CASS4: variants seen among roughly 807,000 people sequenced by gnomAD.
CASS4 encodes Cas scaffold protein family member 4, also known as cas scaffolding protein family member 4.
Under a neutral mutation model 54.2 loss-of-function variants are expected in CASS4, and 22 were observed. That is an observed-to-expected ratio of 0.41 (90% confidence interval 0.29 to 0.58). The LOEUF is 0.58. Among genes scored for constraint, CASS4 ranks in the 20% least tolerant of loss-of-function variants. The pLI is 0.36. For missense variants in CASS4, 854 were observed against 986.7 expected, an observed-to-expected ratio of 0.87 and a Z score of 1.80; for synonymous variants, 409 against 391.5, an observed-to-expected ratio of 1.04 and a Z score of -0.53.
intron 3 of CASS4, among the ~76,000 whole-genome samples, chr20:56,447,006 G>A (rs917308276): frequency 6.6e-6 from 1 of 151,990 alleles, no homozygotes; most frequent in Non-Finnish European, 1.5e-5. Flanking sequence ...CTAGGAGTTC[G>A]AGACCAGCCC....
intron 1 of CASS4, among the ~76,000 whole-genome samples, chr20:56,433,335 G>A (rs1174399539): frequency 6.6e-6 from 1 of 152,202 alleles, no homozygotes; most frequent in Non-Finnish European, 1.5e-5. Flanking sequence ...GGGGTAGAGA[G>A]AACAGCATGA....
At chr20:56,438,495 T>C (rs1002638742) in intron 2 of CASS4, among the ~76,000 whole-genome samples, 2 of 152,044 alleles carry the variant, frequency 1.3e-5, no homozygotes, top group Non-Finnish European at 2.9e-5. Context: ...TGTGCAGTTG[T>C]TTAAAAAAAG....
intron 4 of CASS4, 78 bp from the exon 5 acceptor site, chr20:56,451,741 A>G: frequency 9.8e-7 from 1 of 1,023,302 alleles, no homozygotes; most frequent in Non-Finnish European, 1.5e-6. Flanking sequence ...CGGCGGAGTG[A>G]CGATGAGATT....
intron 5 of CASS4, among the ~76,000 whole-genome samples, chr20:56,456,628 G>C (rs1259627614): frequency 6.6e-6 from 1 of 152,124 alleles, no homozygotes; most frequent in East Asian, 1.9e-4. Flanking sequence ...TCCTGCCTCA[G>C]CCTCCCAAAG....
chr20:56,426,008 C>T (rs1979620629), intron 1 of CASS4, among the ~76,000 whole-genome samples: 1 of 152,342 alleles, frequency 6.6e-6, no homozygotes, highest in South Asian at 2.1e-4. Context: ...CTTGTAATGG[C>T]TACATTGTAC....
At position 56,439,696 on chromosome 20, in the gene CASS4, C is replaced by T. The variant is rs1980368669; in HGVS notation, c.459+2110C>T. On this transcript the variant is annotated intron_variant, in intron 2 of 5. Coordinates refer to ENST00000679887, the MANE Select transcript of CASS4 (RefSeq NM_020356.4). ...GACCCTGTCTTAAAAAATAATAAAA[C>T]AAATGCAGAATGAAAACTTTTTTTA... Among the ~76,000 whole-genome samples the T allele has an allele frequency of 2.6e-5, 4 of 151,930 alleles. No individual in the cohort carries two copies. In the South Asian group the frequency reaches 8.3e-4, roughly 32 times the overall value.
In CASS4 at chr20:56,460,312, G is replaced by T. The variant is rs529709024; in HGVS notation, c.*1565G>T. ...AAAAGTAATTGCGGTTTTTGCCGTAGACAGTAATGGCAAAAACCACAATTG... is the reference window on the plus strand; with the variant it reads ...AAAAGTAATTGCGGTTTTTGCCGTATACAGTAATGGCAAAAACCACAATTG... On this transcript the variant is annotated 3_prime_UTR_variant, in exon 6 of 6. Coordinates refer to ENST00000679887, the MANE Select transcript of CASS4 (RefSeq NM_020356.4). 379 of 152,188 alleles carry T rather than the reference G, an allele frequency of 2.5e-3. 2 individuals carry two copies. The highest frequency in any genetic ancestry group is 8.6e-3 in the African/African-American group (355 of 41,410). The allele number at this position is 152,188 out of a possible 1,614,324, so 9.4% of individuals were successfully genotyped here.
intron 3 of CASS4, among the ~76,000 whole-genome samples, chr20:56,448,028 G>T (rs545279742): frequency 6.6e-6 from 1 of 152,002 alleles, no homozygotes; most frequent in African/African-American, 2.4e-5. Flanking sequence ...TGTAGTCCCA[G>T]CTACTCGGGA....
chr20:56,438,288 C>A (rs200892131), intron 2 of CASS4, among the ~76,000 whole-genome samples: 1 of 144,436 alleles, frequency 6.9e-6, no homozygotes, highest in Non-Finnish European at 1.5e-5. Context: ...AACCTGTTTT[C>A]AAAAAAAAAA....
At chr20:56,441,865 T>A (rs1278145718) in intron 2 of CASS4, among the ~76,000 whole-genome samples, 1 of 152,158 alleles carries the variant, frequency 6.6e-6, no homozygotes, top group Non-Finnish European at 1.5e-5. Flanking sequence ...ACTTTCTTCT[T>A]CCTCTACTCT....
chr20:56,428,757 G>C (rs570990480), intron 1 of CASS4, among the ~76,000 whole-genome samples: 1 of 152,314 alleles, frequency 6.6e-6, no homozygotes, highest in Admixed American at 6.5e-5. Flanking sequence ...TGGAAAGGCC[G>C]TGCAGAGTAT....
At chr20:56,450,531 A>T (rs1202340119) in intron 3 of CASS4, 68 bp from the exon 4 acceptor site, 1 of 1,366,722 alleles carries the variant, frequency 7.3e-7, no homozygotes, top group African/African-American at 1.4e-5. Context: ...TGGAATAGGG[A>T]GTGTTCGTGA....
intron 1 of CASS4, among the ~76,000 whole-genome samples, chr20:56,426,460 T>G (rs1011586457): frequency 3.9e-5 from 6 of 152,298 alleles, no homozygotes; most frequent in Admixed American, 2.0e-4. Context: ...CGACAGACAC[T>G]CCTTTCAGGG....
At position 56,430,105 on chromosome 20, in the gene CASS4, A is replaced by T. The variant is rs1413860294; in HGVS notation, c.37-7059A>T. Reference sequence around the variant, plus strand: ...CAATACAATCTTGGTGAATGAATGAATGAATGAATTGCTCCCCAGATTTCT... The same window carrying T: ...CAATACAATCTTGGTGAATGAATGATTGAATGAATTGCTCCCCAGATTTCT... On this transcript the variant is annotated intron_variant, in intron 1 of 5. Transcript: ENST00000679887. This position sits in a 1 kb window ranked among gnomAD's most constrained non-coding sequence, Gnocchi z 4.2. Among the ~76,000 whole-genome samples, 1 of 152,178 alleles carries T rather than the reference A, an allele frequency of 6.6e-6. No homozygotes were observed. The highest frequency in any genetic ancestry group is 1.9e-4 in the East Asian group (1 of 5,200).
At position 56,418,998 on chromosome 20, in the gene CASS4, AC is replaced by A. The variant is rs1979282787; in HGVS notation, c.36+6505del. On this transcript the variant is annotated intron_variant, in intron 1 of 5. Transcript: ENST00000679887. ...GAACATTTTATTTCCTATAGAGCAC[AC>A]TTGGGGGGAAAAAAAGCTAAGGAGA... 3.9e-5 allele frequency among the ~76,000 whole-genome samples: 6 copies of A among 152,260 alleles called. No homozygotes were observed. The South Asian group carries it at 1.2e-3, about 32-fold the overall frequency.
rs79737706 is a variant in CASS4 at position 56,417,085 on chromosome 20, G to A, written c.36+4591G>A. Among the ~76,000 whole-genome samples the A allele has an allele frequency of 5.1e-4, 77 of 152,336 alleles. No homozygotes were observed. In the East Asian group the frequency reaches 0.014, roughly 28 times the overall value. On this transcript the variant is annotated intron_variant, in intron 1 of 5. Transcript: ENST00000679887. Reference sequence around the variant, plus strand: ...AAGGTTGGTTTAAACACGACAAAATGTGTTGGCTTGGAAGTGTGTACCACT... The same window carrying A: ...AAGGTTGGTTTAAACACGACAAAATATGTTGGCTTGGAAGTGTGTACCACT...
At chr20:56,448,110 C>A (rs957592029) in intron 3 of CASS4, among the ~76,000 whole-genome samples, 1 of 149,972 alleles carries the variant, frequency 6.7e-6, no homozygotes, top group African/African-American at 2.5e-5. Context: ...CCACTGCACT[C>A]CAGCCTGGGA....
Position 56,452,056 on chromosome 20 carries a change from C to T in CASS4, c.880C>T (p.Leu294=). Residue 294 remains leucine, a synonymous_variant, in exon 5 of 6, where the codon CTG becomes TTG. Transcript: ENST00000679887. The part of the protein sequence containing the change: ...SGRSRSLTPQ[L]NNNVPMQKKL... The stretch of plus-strand genomic sequence containing the variant: ...CAGATCCAGGTCCCTCACTCCACAA[C>T]TGAATAACAATGTGCCCATGCAGAA... The T allele has an allele frequency of 1.7e-5, 28 of 1,614,228 alleles. No homozygotes were observed. Among genetic ancestry groups the T allele is most frequent in the Non-Finnish European group, 2.3e-5 (27 of 1,180,048 alleles).
chr20:56,444,783 C>T (rs16979932), intron 2 of CASS4, among the ~76,000 whole-genome samples: 4,381 of 152,224 alleles, frequency 0.029, 194 homozygotes, highest in African/African-American at 0.099. Context: ...TCCCAAAGTG[C>T]CTTGAGCAAT....
Sources: allele counts gnomAD v4.1 joint callset (sites outside exome capture counted in the v4.1 genomes callset), GRCh38; gene constraint gnomAD v4.1.1; non-coding constraint Gnocchi (gnomAD v3.1); transcripts MANE v1.5; gene names NCBI Gene and HGNC (gene_info 2026-07-23, HGNC 2026-07-21).